The following TMEM74 variants were observed in gnomAD, a reference collection of about 807,000 sequenced individuals.
TMEM74 encodes the protein transmembrane protein 74.
Under a neutral mutation model 18.1 loss-of-function variants are expected in TMEM74, and 13 were observed. The observed-to-expected ratio is 0.72, with a 90% CI of 0.47 to 1.14. TMEM74 has a LOEUF of 1.14. Among genes scored for constraint, TMEM74 ranks in the 50% most tolerant of loss-of-function variants. TMEM74 has a pLI of 0.00. For synonymous variants in TMEM74, 159 were observed against 146.6 expected (o/e 1.08, Z -0.61); for missense variants, 372 against 375.9 (o/e 0.99, Z 0.09).
chr8:108,680,950 A>G (rs1278382115), intron 1 of TMEM74, among the ~76,000 whole-genome samples: 1 of 152,184 alleles, frequency 6.6e-6, no homozygotes, highest in Non-Finnish European at 1.5e-5. Context: ...CTAGGAATCC[A>G]ACTTACAAGG....
chr8:108,622,027 A>G (rs1812445209), intron 2 of TMEM74, among the ~76,000 whole-genome samples: 1 of 152,132 alleles, frequency 6.6e-6, no homozygotes, highest in South Asian at 2.1e-4. Context: ...TTCCACAACC[A>G]AATTCTGCTC....
intron 1 of TMEM74, among the ~76,000 whole-genome samples, chr8:108,695,943 T>A (rs1813277817): frequency 6.6e-6 from 1 of 152,198 alleles, no homozygotes; most frequent in Admixed American, 6.5e-5. Context: ...GTGCCTGTGC[T>A]CTGCCCTCTG....
intron 1 of TMEM74, among the ~76,000 whole-genome samples, chr8:108,732,564 T>C (rs1367942058): frequency 6.6e-6 from 1 of 151,982 alleles, no homozygotes; most frequent in Non-Finnish European, 1.5e-5. Flanking sequence ...ATATAGAATC[T>C]AGAAATAGAC....
At chr8:108,766,392 C>T (rs989265847) in intron 1 of TMEM74, among the ~76,000 whole-genome samples, 3 of 152,014 alleles carry the variant, frequency 2.0e-5, no homozygotes, top group African/African-American at 4.8e-5. Flanking sequence ...AGTTTCCAAG[C>T]CAAAATTATA....
chr8:108,787,592 TCCG>T (rs1273368641), exon 1 of TMEM74: 3 of 151,086 alleles, frequency 2.0e-5, no homozygotes, highest in East Asian at 2.0e-4. Flanking sequence ...GCCGCTCGGC[TCCG>T]CCGGGTGGGC....
At chr8:108,634,785 T>C (rs1031028004) in intron 2 of TMEM74, among the ~76,000 whole-genome samples, 4 of 152,054 alleles carry the variant, frequency 2.6e-5, no homozygotes, top group African/African-American at 9.7e-5. Context: ...ATCTGGGTAA[T>C]GCAAATGAAT....
intron 1 of TMEM74, among the ~76,000 whole-genome samples, chr8:108,711,873 T>C (rs1053233200): frequency 6.6e-6 from 1 of 152,096 alleles, no homozygotes; most frequent in African/African-American, 2.4e-5. Flanking sequence ...AATTCTAGTA[T>C]GGCCCAAGTC....
chr8:108,640,048 T>C (rs1479023658), intron 2 of TMEM74, among the ~76,000 whole-genome samples: 2 of 151,828 alleles, frequency 1.3e-5, no homozygotes, highest in Admixed American at 6.6e-5. Context: ...ATGTCCCCTG[T>C]CTCATTCGTA....
intron 1 of TMEM74, among the ~76,000 whole-genome samples, chr8:108,737,157 C>G (rs908962626): frequency 6.6e-6 from 1 of 152,066 alleles, no homozygotes; most frequent in Admixed American, 6.6e-5. Flanking sequence ...TGGGTTCATA[C>G]CCTGGCTCTG....
intron 2 of TMEM74, among the ~76,000 whole-genome samples, chr8:108,630,074 T>C (rs1441568163): frequency 6.6e-6 from 1 of 152,028 alleles, no homozygotes; most frequent in Non-Finnish European, 1.5e-5. Context: ...ATCAATGTGC[T>C]GTATTCAGGA....
intron 2 of TMEM74, among the ~76,000 whole-genome samples, chr8:108,635,865 T>G (rs1185745845): frequency 1.3e-5 from 2 of 152,072 alleles, no homozygotes; most frequent in Admixed American, 1.3e-4. Context: ...AATTAGACTG[T>G]AAGCCCACTG....
intron 2 of TMEM74, among the ~76,000 whole-genome samples, chr8:108,612,372 T>C (rs1563732027): frequency 2.0e-5 from 3 of 152,170 alleles, no homozygotes; most frequent in Non-Finnish European, 4.4e-5. Context: ...TTATGAAGGG[T>C]CATAAGAATA....
At chr8:108,719,755 T>C (rs1205299042) in intron 1 of TMEM74, among the ~76,000 whole-genome samples, 2 of 152,098 alleles carry the variant, frequency 1.3e-5, no homozygotes, top group African/African-American at 4.8e-5. Context: ...AAAGTTTCTT[T>C]GGTGGATAAA....
chr8:108,657,896 ATATAT>A (rs1812860875), intron 1 of TMEM74, among the ~76,000 whole-genome samples: 2 of 123,066 alleles, frequency 1.6e-5, no homozygotes, highest in African/African-American at 6.2e-5. Flanking sequence ...ATATATATAT[ATATAT>A]ATTAATTACA....
chr8:108,711,894 G>A (rs893061641), intron 1 of TMEM74, among the ~76,000 whole-genome samples: 1 of 152,110 alleles, frequency 6.6e-6, no homozygotes, highest in Admixed American at 6.6e-5. Flanking sequence ...TAGGGTATGG[G>A]TGAGACTATG....
intron 1 of TMEM74, among the ~76,000 whole-genome samples, chr8:108,758,966 C>T (rs1563544487): frequency 6.6e-6 from 1 of 151,990 alleles, no homozygotes; most frequent in Non-Finnish European, 1.5e-5. Flanking sequence ...TACCATACTA[C>T]ATGATTTATA....
At chr8:108,786,605 T>A (rs2129676648) in intron 1 of TMEM74, among the ~76,000 whole-genome samples, 1 of 152,292 alleles carries the variant, frequency 6.6e-6, no homozygotes, top group African/African-American at 2.4e-5. Context: ...TCGGAGTTTC[T>A]CTACAGTGAA....
intron 2 of TMEM74, among the ~76,000 whole-genome samples, chr8:108,625,379 G>C (rs1053174908): frequency 6.6e-6 from 1 of 151,966 alleles, no homozygotes; most frequent in African/African-American, 2.4e-5. Context: ...ATTCTATATA[G>C]TCATGCGATG....
At chr8:108,756,734 GAGAA>G (rs1483754239) in intron 1 of TMEM74, among the ~76,000 whole-genome samples, 1,957 of 51,528 alleles carry the variant, frequency 0.038, 84 homozygotes, top group African/African-American at 0.12. Context: ...AAGAAAGAAA[GAGAA>G]AGAAAGAAGG....
Sources: gnomAD v4.1 joint callset for allele counts (sites outside exome capture counted in the v4.1 genomes callset) on GRCh38, gnomAD v4.1.1 for gene constraint, MANE v1.5 for transcripts, NCBI Gene and HGNC (gene_info 2026-07-23, HGNC 2026-07-21) for gene names.